UNC13A: variants seen among roughly 807,000 people sequenced by gnomAD.
The protein encoded by UNC13A is unc-13 homolog A.
A neutral mutation model predicts 219.7 loss-of-function variants in UNC13A; 61 were observed. The ratio of observed to expected loss-of-function variants is 0.28; its 90% CI spans 0.23 to 0.34. The LOEUF (loss-of-function observed/expected upper bound fraction) is 0.34. UNC13A is among the 10% of genes least tolerant of loss of function. UNC13A has a pLI of 1.00. For missense variants in UNC13A, 1,476 were observed against 2,270.3 expected (o/e 0.65, Z 7.11); for synonymous variants, 920 against 884.6 (o/e 1.04, Z -0.71).
At position 17,674,719 on chromosome 19, in the gene UNC13A, A is replaced by G. The variant is rs1222174771; in HGVS notation, c.90T>C (p.Asn30=). The change falls in exon 3 of 44, where the codon AAT becomes AAC. Residue 30 remains asparagine, a synonymous_variant. Transcript: ENST00000519716. This position sits in a 1 kb window ranked among gnomAD's most constrained non-coding sequence, Gnocchi z 5.0. ...GCACCGCGATGGTCGTGCTCTTGAC[A>G]TTCTGCACTTTCAGGGTCACGTACG... is the stretch of plus-strand genomic sequence containing the variant. ...FNTYVTLKVQ[N]VKSTTIAVRG... 1.9e-6 allele frequency: 3 copies of G among 1,613,760 alleles called. No individual in the cohort carries two copies. The highest frequency in any genetic ancestry group is 1.3e-5 in the African/African-American group (1 of 74,896).
In UNC13A at chr19:17,636,122, C is replaced by T. The variant is rs778401132; in HGVS notation, c.3117G>A (p.Gly1039=). The part of the protein sequence containing the change: ...KKGEVLPEEQ[G]PSIKNLDFWS... Reference sequence around the variant, plus strand: ...AGAAGTCGAGGTTCTTGATGCTGGGCCCCTGTTCCTCTGGGAGAACTTCCC... The same window carrying T: ...AGAAGTCGAGGTTCTTGATGCTGGGTCCCTGTTCCTCTGGGAGAACTTCCC... The change falls in exon 26 of 44, where the codon GGG becomes GGA. Residue 1039 remains glycine (G), a synonymous_variant. Coordinates refer to ENST00000519716, the MANE Select transcript of UNC13A (RefSeq NM_001080421.3). 3.1e-6 allele frequency: 5 copies of T among 1,606,152 alleles called. No homozygotes were observed. Among genetic ancestry groups the T allele is most frequent in the Middle Eastern group, 1.6e-4 (1 of 6,072 alleles).
chr19:17,633,027 G>C (rs1257013464), intron 27 of UNC13A, 81 bp downstream of exon 27: 19 of 1,606,162 alleles, frequency 1.2e-5, no homozygotes, highest in Middle Eastern at 1.7e-4. Flanking sequence ...GTATTATAGG[G>C]TGCTCACAGC....
chr19:17,623,779 C>T (rs1357260517), intron 35 of UNC13A, among the ~76,000 whole-genome samples: 1 of 152,116 alleles, frequency 6.6e-6, no homozygotes, highest in Non-Finnish European at 1.5e-5. Context: ...CTGGGAAAGA[C>T]CTCCCCACTC....
chr19:17,635,324 T>G (rs2076902641), intron 26 of UNC13A, among the ~76,000 whole-genome samples: 1 of 152,128 alleles, frequency 6.6e-6, no homozygotes, highest in Non-Finnish European at 1.5e-5. Flanking sequence ...AATCCATCCA[T>G]TCATCCACCC....
intron 7 of UNC13A, among the ~76,000 whole-genome samples, chr19:17,665,610 C>T (rs866916428): frequency 1.3e-5 from 2 of 152,170 alleles, no homozygotes; most frequent in Admixed American, 6.6e-5. Context: ...ATCACATCTC[C>T]TCTTGGGCCT....
In UNC13A at chr19:17,636,081, G is replaced by A; in HGVS notation, c.3158C>T (p.Thr1053Ile). 1 of 1,612,442 alleles carries A rather than the reference G, an allele frequency of 6.2e-7. No homozygotes were observed. Among genetic ancestry groups the A allele is most frequent in the Non-Finnish European group, 8.5e-7 (1 of 1,179,208 alleles). ...KNLDFWSKLI[T>I]LIVSIIEEDK... ...TTCCTCAATGATGGACACTATGAGGGTAATCAGCTTGGACCAGAAGTCGAG... is the reference window on the plus strand; with the variant it reads ...TTCCTCAATGATGGACACTATGAGGATAATCAGCTTGGACCAGAAGTCGAG... The change falls in exon 26 of 44, where the codon ACC becomes ATC. Residue 1053 changes from threonine to isoleucine, a missense_variant. By Grantham distance (89) the Thr-to-Ile change is moderately conservative (BLOSUM62 -1). This residue lies in a region of UNC13A where 218 missense variants were observed against 409.4 expected (regional missense o/e 0.53). Coordinates refer to ENST00000519716, the MANE Select transcript of UNC13A (RefSeq NM_001080421.3).
intron 11 of UNC13A, among the ~76,000 whole-genome samples, chr19:17,654,702 C>A (rs1229196008): frequency 6.6e-6 from 1 of 152,164 alleles, no homozygotes. Flanking sequence ...CAGACCTTTC[C>A]CTAACCCTGA....
chr19:17,614,299 GC>G (rs2076637897), intron 41 of UNC13A: 1 of 152,042 alleles, frequency 6.6e-6, no homozygotes, highest in Non-Finnish European at 1.5e-5. Flanking sequence ...GCACCACCGC[GC>G]CAGGCCTCAA....
chr19:17,621,850 A>G lies in UNC13A; in HGVS notation c.4224T>C (p.His1408=), dbSNP rs765464311. 3.1e-6 allele frequency: 5 copies of G among 1,613,758 alleles called. No homozygotes were observed. In the African/African-American group the frequency reaches 5.3e-5, roughly 17 times the overall value. ...QTMIGNLLRK[H]GKGLEKGRVK... Reference sequence around the variant, plus strand: ...TCATTACCTTTTCTAATCCCTTGCCATGTTTTCTCAAGAGGTTCCCCTGCA... The same window carrying G: ...TCATTACCTTTTCTAATCCCTTGCCGTGTTTTCTCAAGAGGTTCCCCTGCA... The change falls in exon 37 of 44, where the codon CAT becomes CAC. Residue 1408 remains histidine (H), a synonymous_variant. Coordinates refer to ENST00000519716, the MANE Select transcript of UNC13A (RefSeq NM_001080421.3).
At chr19:17,686,980 C>G (rs1365639149) in intron 1 of UNC13A, among the ~76,000 whole-genome samples, 1 of 152,174 alleles carries the variant, frequency 6.6e-6, no homozygotes, top group Admixed American at 6.5e-5. Flanking sequence ...CCCCTTCCCC[C>G]ACCCCAGCCT....
chr19:17,666,769 A>G, intron 6 of UNC13A, 65 bp from the exon 7 acceptor site: 1 of 1,340,480 alleles, frequency 7.5e-7, no homozygotes, highest in African/African-American at 1.5e-5. Flanking sequence ...GGACCAGGAT[A>G]GTCCTCTGTT....
chr19:17,658,172 G>C lies in UNC13A; in HGVS notation c.657C>G (p.Pro219=). The change falls in exon 9 of 44, where the codon CCC becomes CCG. Residue 219 remains proline (P), a synonymous_variant. Coordinates refer to ENST00000519716, the MANE Select transcript of UNC13A (RefSeq NM_001080421.3). ...CAGAATATTGGTGGACTGAGGCGTTGGGTTGTGACGTAGTATAATAGGGCG... is the reference window on the plus strand; with the variant it reads ...CAGAATATTGGTGGACTGAGGCGTTCGGTTGTGACGTAGTATAATAGGGCG... ...IPPPYYTTSQ[P]NASVHQYSVR... 3.1e-6 allele frequency: 5 copies of C among 1,613,950 alleles called. No individual in the cohort carries two copies. Among genetic ancestry groups the C allele is most frequent in the Non-Finnish European group, 4.2e-6 (5 of 1,179,886 alleles).
At chr19:17,614,653 C>T (rs546968813) in intron 41 of UNC13A, among the ~76,000 whole-genome samples, 3 of 152,196 alleles carry the variant, frequency 2.0e-5, no homozygotes, top group South Asian at 2.1e-4. Flanking sequence ...GGTTACCTCA[C>T]GCTGGACAGG....
chr19:17,633,782 C>T (rs911152073), intron 26 of UNC13A, among the ~76,000 whole-genome samples: 1 of 151,806 alleles, frequency 6.6e-6, no homozygotes, highest in African/African-American at 2.4e-5. Flanking sequence ...TCCAACTATT[C>T]ATCCATCCAC....
Position 17,606,189 on chromosome 19 carries a change from G to T in UNC13A, c.4977C>A (p.Ile1659=). The T allele has an allele frequency of 6.4e-7, 1 of 1,558,712 alleles. No individual in the cohort carries two copies. The highest frequency in any genetic ancestry group is 8.7e-7 in the Non-Finnish European group (1 of 1,154,002). ...AACWLPLGRR[I]HMDDTGLTVL... ...CCGTGAGGCCCGTGTCGTCCATGTG[G>T]ATGCGGCGGCCGAGCGGCAGCCAGC... is the stretch of plus-strand genomic sequence containing the variant. The change falls in exon 44 of 44, where the codon ATC becomes ATA. Residue 1659 remains isoleucine (I), a synonymous_variant. Coordinates refer to ENST00000519716, the MANE Select transcript of UNC13A (RefSeq NM_001080421.3).
At chr19:17,618,833 G>A in intron 39 of UNC13A, 73 bp downstream of exon 39, 2 of 1,491,502 alleles carry the variant, frequency 1.3e-6, no homozygotes, top group Non-Finnish European at 9.3e-7. Flanking sequence ...CCTCCCCCAG[G>A]ATGGTGGCAA....
chr19:17,674,414 T>C lies in UNC13A; in HGVS notation c.152+243A>G, dbSNP rs1369968875. On this transcript the variant is annotated intron_variant, in intron 3 of 43. Coordinates refer to ENST00000519716, the MANE Select transcript of UNC13A (RefSeq NM_001080421.3). This position sits in a 1 kb window ranked among gnomAD's most constrained non-coding sequence, Gnocchi z 5.0. ...AGGAGAACAGATTGTAGGAGGTGGA[T>C]GGCACAGGAGGCCAGGGCGGAGGCT... Among the ~76,000 whole-genome samples the C allele has an allele frequency of 6.6e-6, 1 of 152,152 alleles. No individual in the cohort carries two copies. Among genetic ancestry groups the C allele is most frequent in the Non-Finnish European group, 1.5e-5 (1 of 68,028 alleles).
intron 35 of UNC13A, 127 bp downstream of exon 35, chr19:17,624,702 G>A: frequency 1.5e-6 from 2 of 1,369,394 alleles, no homozygotes; most frequent in East Asian, 2.5e-5. Flanking sequence ...AATGGCCCTT[G>A]AGCCTGGATG....
At position 17,649,421 on chromosome 19, in the gene UNC13A, C is replaced by G. The variant is rs1292614231; in HGVS notation, c.1519-77G>C. On this transcript the variant is annotated intron_variant, in intron 13 of 43. Coordinates refer to ENST00000519716, the MANE Select transcript of UNC13A (RefSeq NM_001080421.3). This position sits in a 1 kb window ranked among gnomAD's most constrained non-coding sequence, Gnocchi z 4.4. Reference sequence around the variant, plus strand: ...AGAGAATGCCTAGCTGGCCCCCAACCCCAGGTTGACCATGGGCAGTTCCAC... The same window carrying G: ...AGAGAATGCCTAGCTGGCCCCCAACGCCAGGTTGACCATGGGCAGTTCCAC... 3.1e-6 allele frequency: 5 copies of G among 1,613,458 alleles called. No homozygotes were observed. The African/African-American group carries it at 6.7e-5, about 22-fold the overall frequency.
Sources: gnomAD v4.1 joint callset for allele counts (sites outside exome capture counted in the v4.1 genomes callset) on GRCh38, gnomAD v4.1.1 for gene constraint, gnomAD v4.1.1 regional missense constraint, Gnocchi (gnomAD v3.1) non-coding constraint, MANE v1.5 for transcripts, NCBI Gene and HGNC (gene_info 2026-07-23, HGNC 2026-07-21) for gene names.